Variants in WDSUB1 observed in about 807,000 individuals in gnomAD.
WDSUB1 encodes WD repeat, sterile alpha motif and U-box domain containing 1.
A neutral mutation model predicts 53.9 loss-of-function variants in WDSUB1; 49 were observed. The observed-to-expected ratio is 0.91, with a 90% confidence interval of 0.72 to 1.15. WDSUB1 has a LOEUF of 1.15. Ranked by LOEUF, WDSUB1 falls within the 50% of genes most tolerant of loss-of-function variation. The probability of loss-of-function intolerance (pLI) is 0.00; values close to 1 mark genes in which losing one functional copy is unlikely to be tolerated. For synonymous variants in WDSUB1, 194 were observed against 200.6 expected (o/e 0.97, Z 0.28); for missense variants, 514 against 562.0 (o/e 0.91, Z 0.86).
chr2:159,248,675 C>T (rs566898852), intron 9 of WDSUB1, among the ~76,000 whole-genome samples, 163 bp from the exon 10 acceptor site: 21 of 152,238 alleles, frequency 1.4e-4, no homozygotes, highest in African/African-American at 4.8e-4. Flanking sequence ...AAACGATCAC[C>T]ACTCATTGCA....
At chr2:159,242,051 CTTTTA>C (rs1446189434) in intron 10 of WDSUB1, among the ~76,000 whole-genome samples, 1 of 145,264 alleles carries the variant, frequency 6.9e-6, no homozygotes, top group Admixed American at 6.7e-5. Flanking sequence ...ACAAAAGCAA[CTTTTA>C]TTTATTTATT....
intron 10 of WDSUB1, among the ~76,000 whole-genome samples, chr2:159,242,520 G>C (rs1198816901): frequency 6.8e-6 from 1 of 147,362 alleles, no homozygotes; most frequent in Non-Finnish European, 1.5e-5. Flanking sequence ...AAATTAGCTG[G>C]GTGTGGTGGC....
intron 10 of WDSUB1, among the ~76,000 whole-genome samples, chr2:159,241,519 G>A (rs1332969095): frequency 7.7e-6 from 1 of 130,718 alleles, no homozygotes; most frequent in Non-Finnish European, 1.5e-5. Flanking sequence ...CTGAGATCAT[G>A]TCACTGCATT....
intron 6 of WDSUB1, among the ~76,000 whole-genome samples, chr2:159,258,909 ACAT>A (rs1386401048): frequency 6.6e-6 from 1 of 152,222 alleles, no homozygotes. Flanking sequence ...AGACTAGCTT[ACAT>A]CACTTGCTTA....
chr2:159,259,115 C>T (rs113392608), intron 6 of WDSUB1, among the ~76,000 whole-genome samples: 4,337 of 151,784 alleles, frequency 0.029, 195 homozygotes, highest in African/African-American at 0.094. Context: ...CCTCCACCTC[C>T]GGGGTTCAAG....
chr2:159,258,662 A>C (rs1263002384), intron 6 of WDSUB1, among the ~76,000 whole-genome samples: 1 of 152,218 alleles, frequency 6.6e-6, no homozygotes, highest in Non-Finnish European at 1.5e-5. Flanking sequence ...CTGTCTCAAA[A>C]AAACAAATAA....
intron 8 of WDSUB1, among the ~76,000 whole-genome samples, chr2:159,257,035 C>T (rs1375895091): frequency 1.3e-5 from 2 of 152,088 alleles, no homozygotes; most frequent in African/African-American, 4.8e-5. Flanking sequence ...TTCTCACTCC[C>T]TTGCCCAGGC....
rs2060711256 is a variant in WDSUB1, at chr2:159,243,397, A to G, written c.1273+4975T>C. 1.4e-5 allele frequency among the ~76,000 whole-genome samples: 2 copies of G among 147,570 alleles called. 1 individual carries two copies. Among genetic ancestry groups the G allele is most frequent in the African/African-American group, 5.3e-5 (2 of 37,802 alleles). Reference sequence around the variant, plus strand: ...GTAATCACAAACCTCTAGACAGGATAAGACTGTGTAGAGCTTCACACACAC... The same window carrying G: ...GTAATCACAAACCTCTAGACAGGATGAGACTGTGTAGAGCTTCACACACAC... On this transcript the variant is annotated intron_variant, in intron 10 of 10. Coordinates refer to ENST00000359774, the MANE Select transcript of WDSUB1 (RefSeq NM_001128212.3).
intron 5 of WDSUB1, among the ~76,000 whole-genome samples, chr2:159,260,329 A>C (rs973439052): frequency 1.3e-5 from 2 of 152,164 alleles, no homozygotes; most frequent in African/African-American, 2.4e-5. Flanking sequence ...GCCATATATA[A>C]AATTTAGAAA....
chr2:159,252,966 T>A (rs2060982089), intron 9 of WDSUB1, among the ~76,000 whole-genome samples: 1 of 152,202 alleles, frequency 6.6e-6, no homozygotes, highest in African/African-American at 2.4e-5. Context: ...TCCTTAGCAT[T>A]TGTCATTTTA....
chr2:159,276,905 C>T (rs1042635311), intron 3 of WDSUB1, among the ~76,000 whole-genome samples: 2 of 152,088 alleles, frequency 1.3e-5, no homozygotes, highest in Non-Finnish European at 2.9e-5. Context: ...CTTAGGAGGC[C>T]GAGGCAGGGG....
chr2:159,275,005 T>TA (rs776010295), intron 4 of WDSUB1, among the ~76,000 whole-genome samples: 1 of 151,772 alleles, frequency 6.6e-6, no homozygotes, highest in Non-Finnish European at 1.5e-5. Flanking sequence ...TCCCCTAAAG[T>TA]ACAAGAAAAG....
intron 2 of WDSUB1, among the ~76,000 whole-genome samples, chr2:159,281,669 A>G (rs1242963387): frequency 8.3e-6 from 1 of 121,094 alleles, no homozygotes; most frequent in Non-Finnish European, 2.1e-5. Context: ...TTTACATACT[A>G]TTAAAGCTTT....
At chr2:159,251,404 C>G (rs2060949329) in intron 9 of WDSUB1, among the ~76,000 whole-genome samples, 2 of 152,132 alleles carry the variant, frequency 1.3e-5, no homozygotes, top group Non-Finnish European at 2.9e-5. Context: ...CACAGAAGGC[C>G]TAATTCAAAA....
At chr2:159,269,997 T>C (rs891087101) in intron 5 of WDSUB1, among the ~76,000 whole-genome samples, 17 of 152,160 alleles carry the variant, frequency 1.1e-4, no homozygotes, top group African/African-American at 4.1e-4. Context: ...AACAGTTCAG[T>C]AAGGCACAGA....
In WDSUB1 at chr2:159,266,987, G is replaced by C. The variant is rs934570861; in HGVS notation, c.770+4715C>G. 2.6e-5 allele frequency among the ~76,000 whole-genome samples: 4 copies of C among 152,024 alleles called. No homozygotes were observed. In the South Asian group the frequency reaches 8.3e-4, roughly 32 times the overall value. On this transcript the variant is annotated intron_variant, in intron 5 of 10. Coordinates refer to ENST00000359774, the MANE Select transcript of WDSUB1 (RefSeq NM_001128212.3). ...CAGGTCTTCCTATGTTGCCCAGGCT[G>C]GTCTCAAACTCCTGGGCGCAAGTGA...
chr2:159,253,853 A>G (rs1157150340), intron 9 of WDSUB1, among the ~76,000 whole-genome samples: 1 of 152,242 alleles, frequency 6.6e-6, no homozygotes, highest in Non-Finnish European at 1.5e-5. Flanking sequence ...GTAGCTTACA[A>G]TACCATTTAT....
At chr2:159,270,977 T>C (rs2151127286) in intron 5 of WDSUB1, among the ~76,000 whole-genome samples, 1 of 152,254 alleles carries the variant, frequency 6.6e-6, no homozygotes, top group South Asian at 2.1e-4. Context: ...TCTGAAAAGG[T>C]TCCAACCACT....
intron 10 of WDSUB1, among the ~76,000 whole-genome samples, chr2:159,236,472 G>T (rs1407469198): frequency 6.6e-6 from 1 of 152,176 alleles, no homozygotes; most frequent in Non-Finnish European, 1.5e-5. Flanking sequence ...AGACACAGTG[G>T]AAGAGAAGAA....
Sources: gnomAD v4.1 joint callset for allele counts (sites outside exome capture counted in the v4.1 genomes callset) on GRCh38, gnomAD v4.1.1 for gene constraint, MANE v1.5 for transcripts, NCBI Gene and HGNC (gene_info 2026-07-23, HGNC 2026-07-21) for gene names.